PPP1R8: variants seen among roughly 807,000 people sequenced by gnomAD.
The protein encoded by PPP1R8 is protein phosphatase 1 regulatory subunit 8.
PPP1R8 carries 4 observed loss-of-function variants against 31.3 expected under a neutral mutation model. The ratio of observed to expected loss-of-function variants is 0.13; its 90% confidence interval spans 0.06 to 0.29. PPP1R8 has a LOEUF of 0.29. PPP1R8 is among the 10% of genes least tolerant of loss of function. The pLI is 1.00. For missense variants in PPP1R8, 254 were observed against 440.1 expected (o/e 0.58, Z 3.78); for synonymous variants, 170 against 169.7 (o/e 1.00, Z -0.01).
intron 1 of PPP1R8, among the ~76,000 whole-genome samples, chr1:27,831,549 T>A (rs980719339): frequency 6.6e-6 from 1 of 152,352 alleles, no homozygotes; most frequent in East Asian, 1.9e-4. Context: ...AAGGAAACGC[T>A]TCTGAATTAA....
In PPP1R8 at chr1:27,850,550, T is replaced by TCTTGG; in HGVS notation, c.*107_*108insGGCTT. The TCTTGG allele has an allele frequency of 9.7e-7, 1 of 1,030,960 alleles. No homozygotes were observed. Among genetic ancestry groups the TCTTGG allele is most frequent in the Non-Finnish European group, 1.4e-6 (1 of 719,220 alleles). 63.9% of individuals were successfully genotyped at this position (1,030,960 alleles called of 1,614,324 possible). On this transcript the variant is annotated 3_prime_UTR_variant, in exon 7 of 7. Transcript: ENST00000311772. Reference sequence around the variant, plus strand: ...AAAACTTTCCATGTGTGCGGTATCGTCTTTCAGAATGTCTCCTGGCATCCT... The same window carrying TCTTGG: ...AAAACTTTCCATGTGTGCGGTATCGTCTTGGCTTTCAGAATGTCTCCTGGCATCCT...
At chr1:27,836,691 TACAG>T (rs1421085166) in intron 2 of PPP1R8, among the ~76,000 whole-genome samples, 1 of 152,094 alleles carries the variant, frequency 6.6e-6, no homozygotes, top group African/African-American at 2.4e-5. Context: ...GTGCTGGGAT[TACAG>T]GTTTGAGCCA....
Position 27,850,222 on chromosome 1 carries a change from C to T in PPP1R8, c.832C>T (p.Pro278Ser), listed in dbSNP as rs1171036137. ...PPTHSEAGSQ[P>S]HGIHGTALIG... Reference sequence around the variant, plus strand: ...CACACACAGTGAAGCAGGCTCCCAGCCACATGGCATCCATGGGACAGCACT... The same window carrying T: ...CACACACAGTGAAGCAGGCTCCCAGTCACATGGCATCCATGGGACAGCACT... Residue 278 changes from proline (P) to serine (S), a missense_variant, in exon 7 of 7, where the codon CCA (proline) becomes TCA (serine). Pro to Ser is a moderately conservative substitution (Grantham distance 74). This residue lies in a region of PPP1R8 where 105 missense variants were observed against 128.0 expected (regional missense o/e 0.82). Coordinates refer to ENST00000311772, the MANE Select transcript of PPP1R8 (RefSeq NM_014110.5). The T allele has an allele frequency of 6.2e-7, 1 of 1,614,222 alleles. No homozygotes were observed. The highest frequency in any genetic ancestry group is 8.5e-7 in the Non-Finnish European group (1 of 1,180,036).
intron 2 of PPP1R8, among the ~76,000 whole-genome samples, chr1:27,836,612 G>T (rs1467161763): frequency 6.6e-6 from 1 of 152,082 alleles, no homozygotes; most frequent in African/African-American, 2.4e-5. Flanking sequence ...TAGAGACGGG[G>T]TTTCACTGTG....
intron 1 of PPP1R8, chr1:27,831,343 C>T (rs993930946): frequency 7.1e-6 from 7 of 988,248 alleles, no homozygotes; most frequent in African/African-American, 1.7e-5. Context: ...CGGCACTTGT[C>T]TGTCTGCCAC....
In PPP1R8 at chr1:27,830,832, C is replaced by T. The variant is rs369470227; in HGVS notation, c.-4C>T. 1.9e-6 allele frequency: 3 copies of T among 1,575,798 alleles called. No homozygotes were observed. Among genetic ancestry groups the T allele is most frequent in the African/African-American group, 1.4e-5 (1 of 74,034 alleles). ...GCGCGCCAAATGGGAGGGGGAGACG[C>T]AAGATGGCGGCAGCCGCGAACTCCG... On this transcript the variant is annotated 5_prime_UTR_variant, in exon 1 of 7. Transcript: ENST00000311772.
rs1488359300 is a variant in PPP1R8, at chr1:27,850,290, T to C, written c.900T>C (p.Asp300=). 1 of 1,614,246 alleles carries C rather than the reference T, an allele frequency of 6.2e-7. No homozygotes were observed. The highest frequency in any genetic ancestry group is 1.1e-5 in the South Asian group (1 of 91,088). ...LPMPYPNLAP[D]VDLTPVVPSA... ...TGCCATACCCAAACCTTGCCCCTGA[T>C]GTGGACTTGACTCCTGTTGTGCCGT... Residue 300 remains aspartate, a synonymous_variant, in exon 7 of 7, where the codon GAT becomes GAC. Transcript: ENST00000311772.
chr1:27,830,847 C>G lies in PPP1R8; in HGVS notation c.12C>G (p.Ala4=), dbSNP rs1213379698. Residue 4 remains alanine (A), a synonymous_variant, in exon 1 of 7, where the codon GCC becomes GCG. Coordinates refer to ENST00000311772, the MANE Select transcript of PPP1R8 (RefSeq NM_014110.5). ...GGGGGAGACGCAAGATGGCGGCAGC[C>G]GCGAACTCCGGCTCTAGCCTCCCGC... The part of the protein sequence containing the change: MAA[A]ANSGSSLPLF... The G allele has an allele frequency of 6.3e-7, 1 of 1,576,376 alleles. No individual in the cohort carries two copies.
intron 2 of PPP1R8, among the ~76,000 whole-genome samples, chr1:27,834,972 T>C (rs1222271450): frequency 6.6e-6 from 1 of 152,124 alleles, no homozygotes; most frequent in African/African-American, 2.4e-5. Flanking sequence ...GAGTGGAGAT[T>C]GCACCACTGC....
At chr1:27,842,340 C>T (rs964818992) in intron 4 of PPP1R8, among the ~76,000 whole-genome samples, 1 of 138,402 alleles carries the variant, frequency 7.2e-6, no homozygotes, top group African/African-American at 2.8e-5. Flanking sequence ...GAAACTCCGT[C>T]TCAAAAAAAA....
At chr1:27,831,200 A>C in intron 1 of PPP1R8, 1 of 1,141,188 alleles carries the variant, frequency 8.8e-7, no homozygotes, top group Non-Finnish European at 1.1e-6. Context: ...CCAACTCTTG[A>C]CTGAGTGCCT....
chr1:27,843,475 G>A, intron 5 of PPP1R8, 145 bp downstream of exon 5: 2 of 965,142 alleles, frequency 2.1e-6, no homozygotes, highest in Non-Finnish European at 1.6e-6. Flanking sequence ...TGGCCAACAA[G>A]GTGAAACCCC....
rs1443397368 is a variant in PPP1R8 at position 27,831,443 on chromosome 1, A to G, written c.56+552A>G. ...TAGGCATTAGTAATGGTTGGCATGA[A>G]CCCTTTTTATCCCTTCGAAAGTTCT... On this transcript the variant is annotated intron_variant, in intron 1 of 6. Transcript: ENST00000311772. 4 of 818,388 alleles carry G rather than the reference A, an allele frequency of 4.9e-6. No homozygotes were observed. The South Asian group carries it at 2.2e-4, about 45-fold the overall frequency. 50.7% of individuals were successfully genotyped at this position (818,388 alleles called of 1,614,324 possible). A position where few individuals can be genotyped will look rare whatever the true frequency, so the allele number is the denominator to read the frequency against.
In PPP1R8 at chr1:27,835,124, C is replaced by A. The variant is rs575707908; in HGVS notation, c.117+2308C>A. Among the ~76,000 whole-genome samples the A allele has an allele frequency of 1.6e-4, 24 of 151,924 alleles. No individual in the cohort carries two copies. In the South Asian group the frequency reaches 5.0e-3, roughly 32 times the overall value. On this transcript the variant is annotated intron_variant, in intron 2 of 6. Transcript: ENST00000311772. ...TCTTTTTTTTTCCTCTCAAAGAAAT[C>A]CCTAAATCTCTAGTATGTCTTTTGG... is the stretch of plus-strand genomic sequence containing the variant.
At chr1:27,832,397 T>C (rs575473227) in intron 1 of PPP1R8, among the ~76,000 whole-genome samples, 59 of 152,286 alleles carry the variant, frequency 3.9e-4, no homozygotes, top group African/African-American at 1.3e-3. Context: ...TTATATGATA[T>C]TGGAGTAGGG....
intron 6 of PPP1R8, among the ~76,000 whole-genome samples, chr1:27,848,388 G>A (rs1351924806): frequency 6.6e-6 from 1 of 152,152 alleles, no homozygotes; most frequent in African/African-American, 2.4e-5. Flanking sequence ...CTGGTCGTCA[G>A]CGAGACTCCA....
intron 5 of PPP1R8, 44 bp from the exon 6 acceptor site, chr1:27,846,984 C>A: frequency 6.5e-7 from 1 of 1,537,954 alleles, no homozygotes; most frequent in Non-Finnish European, 9.0e-7. Flanking sequence ...CTTATTCCTC[C>A]CAGTAAAGTA....
At chr1:27,834,243 CCT>C (rs2148614379) in intron 2 of PPP1R8, among the ~76,000 whole-genome samples, 1 of 152,276 alleles carries the variant, frequency 6.6e-6, no homozygotes, top group African/African-American at 2.4e-5. Flanking sequence ...GCCAGACACT[CCT>C]CTGATCATTG....
chr1:27,832,734 T>C (rs775919668), intron 1 of PPP1R8, 22 bp from the exon 2 acceptor site: 7 of 1,600,116 alleles, frequency 4.4e-6, no homozygotes, highest in Non-Finnish European at 5.1e-6. Context: ...TGAAAATGCT[T>C]TTTTCTATTT....
Sources: gnomAD v4.1 joint callset for allele counts (sites outside exome capture counted in the v4.1 genomes callset) on GRCh38, gnomAD v4.1.1 for gene constraint, gnomAD v4.1.1 regional missense constraint, MANE v1.5 for transcripts, NCBI Gene and HGNC (gene_info 2026-07-23, HGNC 2026-07-21) for gene names.